Variants in ZNF214 observed in about 807,000 individuals in gnomAD.
ZNF214 encodes the protein BWSCR2-associated zinc finger protein 1.
In ZNF214, 43 loss-of-function variants were observed where a neutral mutation model predicts 53.9. That is an observed-to-expected ratio of 0.80 (90% CI 0.63 to 1.03). The LOEUF is 1.03. Among genes scored for constraint, ZNF214 ranks in the 50% least tolerant of loss-of-function variants. The probability of loss-of-function intolerance (pLI) is 0.00; values close to 1 mark genes in which losing one functional copy is unlikely to be tolerated. For synonymous variants in ZNF214, 217 were observed against 229.5 expected (o/e 0.95, Z 0.49); for missense variants, 724 against 719.1 (o/e 1.01, Z -0.08).
chr11:7,019,632 A>T (rs1472649236), intron 1 of ZNF214: 6 of 152,192 alleles, frequency 3.9e-5, no homozygotes, highest in Admixed American at 3.9e-4. Flanking sequence ...GCACTTGTAG[A>T]ACTTTAAAGA....
intron 1 of ZNF214, among the ~76,000 whole-genome samples, chr11:7,008,422 G>A (rs1190471043): frequency 1.3e-5 from 2 of 152,058 alleles, no homozygotes; most frequent in Non-Finnish European, 2.9e-5. Context: ...GACAGAGCGA[G>A]ATGCTGTCTT....
At chr11:7,015,987 G>C (rs2119476176) in intron 1 of ZNF214, 1 of 151,952 alleles carries the variant, frequency 6.6e-6, no homozygotes, top group Middle Eastern at 3.4e-3. Flanking sequence ...GGGAAAGACG[G>C]CTTATTCAAT....
chr11:7,005,828 T>G (rs945812071), intron 1 of ZNF214, among the ~76,000 whole-genome samples: 1 of 152,092 alleles, frequency 6.6e-6, no homozygotes, highest in Non-Finnish European at 1.5e-5. Flanking sequence ...TGCATACATA[T>G]GCTATAATTC....
At chr11:7,007,972 A>G in intron 1 of ZNF214, among the ~76,000 whole-genome samples, 1 of 152,158 alleles carries the variant, frequency 6.6e-6, no homozygotes, top group East Asian at 1.9e-4. Context: ...TTAAAAGTCC[A>G]CACTTCTGAA....
intron 1 of ZNF214, among the ~76,000 whole-genome samples, chr11:7,011,979 G>A (rs150751877): frequency 2.7e-3 from 409 of 152,222 alleles, no homozygotes; most frequent in African/African-American, 9.3e-3. Context: ...ATGCTTCCAC[G>A]CTCTTGGATG....
At chr11:7,019,821 G>C (rs183456446) in intron 1 of ZNF214, 2 of 152,378 alleles carry the variant, frequency 1.3e-5, no homozygotes, top group Admixed American at 6.5e-5. Context: ...CCAAGAGCAG[G>C]ACAGGTTTGG....
chr11:7,011,204 A>G (rs1303031200), intron 1 of ZNF214, among the ~76,000 whole-genome samples: 1 of 152,068 alleles, frequency 6.6e-6, no homozygotes, highest in African/African-American at 2.4e-5. Context: ...TTCCAAGACC[A>G]GATAAGAATG....
intron 1 of ZNF214, among the ~76,000 whole-genome samples, chr11:7,016,265 A>C (rs1851764207): frequency 6.6e-6 from 1 of 152,204 alleles, no homozygotes; most frequent in African/African-American, 2.4e-5. Context: ...AGCCTAGCTA[A>C]GTGATTCAAT....
At chr11:7,007,549 T>C (rs1851500517) in intron 1 of ZNF214, among the ~76,000 whole-genome samples, 1 of 151,744 alleles carries the variant, frequency 6.6e-6, no homozygotes, top group African/African-American at 2.4e-5. Context: ...GACAAAAATG[T>C]TTTTTATATG....
chr11:7,016,254 A>AAG (rs1401858693), intron 1 of ZNF214, among the ~76,000 whole-genome samples: 1 of 152,170 alleles, frequency 6.6e-6, no homozygotes, highest in African/African-American at 2.4e-5. Context: ...ATAAAGATGA[A>AAG]AGCCTAGCTA....
At position 7,000,492 on chromosome 11, in the gene ZNF214, C is replaced by G. The variant is rs894297294; in HGVS notation, c.1191G>C (p.Gln397His). The change falls in exon 3 of 3, where the codon CAG becomes CAC. Residue 397 changes from glutamine (Q) to histidine (H), a missense_variant. Gln to His is a conservative substitution (Grantham distance 24). Transcript: ENST00000278314. Reference sequence around the variant, plus strand: ...ACTGATGAATTCGAAGATTTGAGCTCTGGCTGAAACCCTTACCACACTCAT... The same window carrying G: ...ACTGATGAATTCGAAGATTTGAGCTGTGGCTGAAACCCTTACCACACTCAT... ...KCDECGKGFS[Q>H]SSNLRIHQLV... 4.3e-6 allele frequency: 7 copies of G among 1,613,050 alleles called. No homozygotes were observed. In the South Asian group the frequency reaches 5.5e-5, roughly 13 times the overall value.
chr11:6,999,911 A>T lies in ZNF214; in HGVS notation c.1772T>A (p.Phe591Tyr), dbSNP rs377057095. The change falls in exon 3 of 3, where the codon TTT (phenylalanine) becomes TAT (tyrosine). Residue 591 changes from phenylalanine to tyrosine, a missense_variant. Transcript: ENST00000278314. Reference sequence around the variant, plus strand: ...ATTGTGAAGATGTGAATTATGATCAAATCCCTTATAATATTCACGGCATTT... The same window carrying T: ...ATTGTGAAGATGTGAATTATGATCATATCCCTTATAATATTCACGGCATTT... ...PYKCREYYKG[F>Y]DHNSHLHNNH... 2.5e-5 allele frequency: 41 copies of T among 1,612,280 alleles called. No homozygotes were observed. The highest frequency in any genetic ancestry group is 3.1e-5 in the Non-Finnish European group (37 of 1,179,104).
Position 7,000,969 on chromosome 11 carries a change from C to T in ZNF214, c.714G>A (p.Lys238=). Residue 238 remains lysine (K), a synonymous_variant, in exon 3 of 3, where the codon AAG becomes AAA. Coordinates refer to ENST00000278314, the MANE Select transcript of ZNF214 (RefSeq NM_013249.4). The part of the protein sequence containing the change: ...YYWNSRCVFH[K]RNQPGENLCQ... ...AGAGGTTTTCTCCAGGTTGATTTCT[C>T]TTGTGGAAAACACACCGTGAGTTCC... The T allele has an allele frequency of 6.2e-7, 1 of 1,612,942 alleles. No homozygotes were observed. Among genetic ancestry groups the T allele is most frequent in the Non-Finnish European group, 8.5e-7 (1 of 1,179,528 alleles).
chr11:7,006,099 C>T (rs758390326), intron 1 of ZNF214, among the ~76,000 whole-genome samples: 7 of 151,940 alleles, frequency 4.6e-5, no homozygotes, highest in Admixed American at 6.6e-5. Flanking sequence ...TTTTTCTTTT[C>T]GATGTGCAAG....
Position 7,001,107 on chromosome 11 carries a change from TG to T in ZNF214, c.575del (p.Pro192GlnfsTer12), listed in dbSNP as rs753157613. The T allele has an allele frequency of 6.2e-7, 1 of 1,613,344 alleles. No individual in the cohort carries two copies. Among genetic ancestry groups the T allele is most frequent in the Non-Finnish European group, 8.5e-7 (1 of 1,179,568 alleles). On this transcript the variant is annotated frameshift_variant, in exon 3 of 3. Transcript: ENST00000278314. LOFTEE classifies it high-confidence loss of function. ...QKLIVQHSYI[P>X]VEEALPQYVG... ...CATACTGTGGAAGGGCTTCCTCCAC[TG>T]GGATATAAGAATGCTGAACTATGAG...
At chr11:7,011,810 C>G (rs1392099584) in intron 1 of ZNF214, among the ~76,000 whole-genome samples, 1 of 151,892 alleles carries the variant, frequency 6.6e-6, no homozygotes, top group African/African-American at 2.4e-5. Context: ...CTATCAGATA[C>G]AATAAATAGT....
chr11:7,011,574 A>C (rs1001522499), intron 1 of ZNF214, among the ~76,000 whole-genome samples: 1 of 152,132 alleles, frequency 6.6e-6, no homozygotes, highest in African/African-American at 2.4e-5. Context: ...TTTAAGCTTA[A>C]TGGAGAAACT....
At chr11:7,002,063 G>C (rs987203438) in intron 2 of ZNF214, among the ~76,000 whole-genome samples, 1 of 151,892 alleles carries the variant, frequency 6.6e-6, no homozygotes, top group Non-Finnish European at 1.5e-5. Context: ...AATTTGCGTT[G>C]GTAACTGGGA....
chr11:7,000,745 C>T lies in ZNF214; in HGVS notation c.938G>A (p.Ser313Asn), dbSNP rs1324357275. ...YSCNACGKSF[S>N]QISSLHNHQR... ...ATGATTGTGAAGACTAGAGATCTGG[C>T]TGAAGCTCTTACCACATGCATTACA... is the stretch of plus-strand genomic sequence containing the variant. Residue 313 changes from serine (S) to asparagine (N), a missense_variant, in exon 3 of 3, where the codon AGC (serine) becomes AAC (asparagine). Ser to Asn is a conservative substitution (Grantham distance 46). Transcript: ENST00000278314. 8.7e-6 allele frequency: 14 copies of T among 1,610,706 alleles called. No homozygotes were observed. The highest frequency in any genetic ancestry group is 1.2e-5 in the Non-Finnish European group (14 of 1,179,234).
Sources: allele counts gnomAD v4.1 joint callset (sites outside exome capture counted in the v4.1 genomes callset), GRCh38; gene constraint gnomAD v4.1.1; transcripts MANE v1.5; gene names NCBI Gene and HGNC (gene_info 2026-07-23, HGNC 2026-07-21).